RBL2: variants seen among roughly 807,000 people sequenced by gnomAD.
The protein encoded by RBL2 is RB transcriptional corepressor like 2.
RBL2 carries 56 observed loss-of-function variants against 126.0 expected under a neutral mutation model. That is an observed-to-expected ratio of 0.44 (90% CI 0.36 to 0.56). The LOEUF is 0.56. Ranked by LOEUF, RBL2 falls within the 20% of genes least tolerant of loss-of-function variation. The pLI, the probability that RBL2 is intolerant of heterozygous loss-of-function variation, is 0.00. For missense variants in RBL2, 1,229 were observed against 1,398.2 expected (o/e 0.88, Z 1.93); for synonymous variants, 454 against 478.5 (o/e 0.95, Z 0.67).
chr16:53,452,915 C>T (rs1205214992), intron 5 of RBL2, among the ~76,000 whole-genome samples: 2 of 152,080 alleles, frequency 1.3e-5, no homozygotes, highest in South Asian at 2.1e-4. Flanking sequence ...AGCGATGTAC[C>T]CACCTTGGCC....
chr16:53,490,477 T>A lies in RBL2; in HGVS notation c.*177T>A. 1 of 446,328 alleles carries A rather than the reference T, an allele frequency of 2.2e-6. No individual in the cohort carries two copies. Among genetic ancestry groups the A allele is most frequent in the Non-Finnish European group, 3.8e-6 (1 of 261,430 alleles). The allele number at this position is 446,328 out of a possible 1,614,324, so 27.6% of individuals were successfully genotyped here. A position where few individuals can be genotyped will look rare whatever the true frequency, so the allele number is the denominator to read the frequency against. ...TCCTTCCAGTGTCCTTAGAACATTT[T>A]AATTCATCCCAACTGTCTTTTTTTC... On this transcript the variant is annotated 3_prime_UTR_variant, in exon 22 of 22. Transcript: ENST00000262133.
intron 21 of RBL2, among the ~76,000 whole-genome samples, chr16:53,487,015 CTA>C (rs1029008146): frequency 6.6e-5 from 10 of 152,158 alleles, no homozygotes; most frequent in African/African-American, 2.2e-4. Context: ...ATCCTGAAAA[CTA>C]TAGAAGCTTG....
intron 1 of RBL2, chr16:53,435,648 C>T (rs1026133517): frequency 1.6e-6 from 2 of 1,287,530 alleles, no homozygotes; most frequent in African/African-American, 3.0e-5. Flanking sequence ...GTGTGTGTGG[C>T]ATTTAAACCT....
At chr16:53,446,214 A>G (rs943283782) in intron 3 of RBL2, among the ~76,000 whole-genome samples, 7 of 152,150 alleles carry the variant, frequency 4.6e-5, no homozygotes, top group Admixed American at 3.3e-4. Context: ...TATGGTAGAG[A>G]GGCTACTTTT....
chr16:53,481,481 T>C (rs1438379658), intron 20 of RBL2, 190 bp from the exon 21 acceptor site: 2 of 533,302 alleles, frequency 3.8e-6, no homozygotes, highest in Non-Finnish European at 6.4e-6. Flanking sequence ...CTTAAAATAA[T>C]AACTGGCACA....
At chr16:53,480,799 T>C (rs551644931) in intron 20 of RBL2, 30 bp downstream of exon 20, 3 of 1,575,964 alleles carry the variant, frequency 1.9e-6, no homozygotes, top group South Asian at 1.1e-5. Context: ...TTTCATACTT[T>C]TTTCACTCAT....
intron 21 of RBL2, among the ~76,000 whole-genome samples, chr16:53,487,029 TGA>T (rs1369573722): frequency 6.6e-6 from 1 of 152,154 alleles, no homozygotes; most frequent in Non-Finnish European, 1.5e-5. Context: ...AGAAGCTTGG[TGA>T]GAGAAATTAA....
intron 9 of RBL2, among the ~76,000 whole-genome samples, chr16:53,460,899 A>G (rs765164730): frequency 1.3e-5 from 2 of 152,340 alleles, no homozygotes; most frequent in African/African-American, 4.8e-5. Flanking sequence ...GATAATTTGT[A>G]TAATGCTTCT....
intron 8 of RBL2, among the ~76,000 whole-genome samples, chr16:53,458,062 A>C (rs971401678): frequency 8.5e-5 from 13 of 152,216 alleles, no homozygotes; most frequent in Non-Finnish European, 1.6e-4. Context: ...AAATCATTTT[A>C]TTGACTTAAT....
At chr16:53,462,288 A>AG (rs2058229292) in intron 10 of RBL2, among the ~76,000 whole-genome samples, 1 of 152,180 alleles carries the variant, frequency 6.6e-6, no homozygotes, top group South Asian at 2.1e-4. Context: ...TCAAACATAG[A>AG]GGAAAAAAAA....
chr16:53,467,715 A>G (rs1201505574), intron 14 of RBL2, among the ~76,000 whole-genome samples: 3 of 152,170 alleles, frequency 2.0e-5, no homozygotes, highest in South Asian at 2.1e-4. Flanking sequence ...TATGATCCCT[A>G]TTTTTAAAGT....
chr16:53,488,404 A>AT (rs906669033), intron 21 of RBL2: 1 of 152,126 alleles, frequency 6.6e-6, no homozygotes, highest in Non-Finnish European at 1.5e-5. Context: ...AGTATGAGGG[A>AT]TTTTTTCAGA....
intron 17 of RBL2, among the ~76,000 whole-genome samples, chr16:53,474,278 A>G (rs1172184337): frequency 6.6e-6 from 1 of 151,724 alleles, no homozygotes; most frequent in Non-Finnish European, 1.5e-5. Flanking sequence ...GGCGTGAGCC[A>G]CTGCACCCGG....
chr16:53,485,853 A>T (rs1160454458), intron 21 of RBL2, among the ~76,000 whole-genome samples: 2 of 126,814 alleles, frequency 1.6e-5, no homozygotes, highest in African/African-American at 6.0e-5. Flanking sequence ...GAGACCATCT[A>T]AAAAAAAACA....
Position 53,490,643 on chromosome 16 carries a change from C to T in RBL2, c.*343C>T. 1 of 184,706 alleles carries T rather than the reference C, an allele frequency of 5.4e-6. No homozygotes were observed. The highest frequency in any genetic ancestry group is 6.2e-5 in the Admixed American group (1 of 16,248). 11.4% of individuals were successfully genotyped at this position (184,706 alleles called of 1,614,324 possible). A position where few individuals can be genotyped will look rare whatever the true frequency, so the allele number is the denominator to read the frequency against. On this transcript the variant is annotated 3_prime_UTR_variant, in exon 22 of 22. Transcript: ENST00000262133. Reference sequence around the variant, plus strand: ...GGAGGCTTCTGTTGACGTACTCCAACAGAAGAACTGTGTTTCAAGTTCAAT... The same window carrying T: ...GGAGGCTTCTGTTGACGTACTCCAATAGAAGAACTGTGTTTCAAGTTCAAT...
intron 4 of RBL2, among the ~76,000 whole-genome samples, chr16:53,450,387 G>A (rs944105402): frequency 1.3e-5 from 2 of 152,084 alleles, no homozygotes; most frequent in Non-Finnish European, 2.9e-5. Context: ...TAGGCGTTAA[G>A]TGTGAAATGC....
chr16:53,434,872 C>G (rs2057940794), intron 1 of RBL2, 76 bp downstream of exon 1: 18 of 1,400,298 alleles, frequency 1.3e-5, no homozygotes, highest in South Asian at 1.1e-4. Context: ...TCGCGCGCCT[C>G]GAGAGACTCT....
At chr16:53,458,726 G>A (rs1011025697) in intron 8 of RBL2, among the ~76,000 whole-genome samples, 2 of 152,170 alleles carry the variant, frequency 1.3e-5, no homozygotes, top group African/African-American at 4.8e-5. Context: ...GAGGCGAAAG[G>A]CACTTCTTAG....
At chr16:53,470,330 G>A (rs572193266) in intron 15 of RBL2, 53 bp from the exon 16 acceptor site, 39 of 1,587,038 alleles carry the variant, frequency 2.5e-5, no homozygotes, top group East Asian at 2.0e-4. Context: ...ACCTCTGCCC[G>A]GAGAACCTCT....
Sources: allele counts gnomAD v4.1 joint callset (sites outside exome capture counted in the v4.1 genomes callset), GRCh38; gene constraint gnomAD v4.1.1; transcripts MANE v1.5; gene names NCBI Gene and HGNC (gene_info 2026-07-23, HGNC 2026-07-21).